NECTIN2: variants seen among roughly 807,000 people sequenced by gnomAD.
NECTIN2 encodes nectin-2.
NECTIN2 carries 23 observed loss-of-function variants against 56.9 expected under a neutral mutation model. The ratio of observed to expected loss-of-function variants is 0.40; its 90% CI spans 0.29 to 0.57. The LOEUF is 0.57. Among genes scored for constraint, NECTIN2 ranks in the 20% least tolerant of loss-of-function variants. NECTIN2 has a pLI of 0.38. For synonymous variants in NECTIN2, 302 were observed against 313.8 expected (o/e 0.96, Z 0.40); for missense variants, 587 against 718.3 (o/e 0.82, Z 2.09).
intron 1 of NECTIN2, among the ~76,000 whole-genome samples, chr19:44,862,797 G>A (rs529905225): frequency 2.6e-5 from 4 of 151,274 alleles, no homozygotes; most frequent in South Asian, 2.1e-4. Flanking sequence ...GGTGGATCAC[G>A]AGGTCAGGCG....
intron 8 of NECTIN2, among the ~76,000 whole-genome samples, chr19:44,887,651 C>CA (rs949957723): frequency 2.6e-4 from 39 of 149,776 alleles, no homozygotes; most frequent in East Asian, 5.9e-4. Flanking sequence ...GTCTCAACAA[C>CA]AAAAAAAAAC....
chr19:44,870,554 G>A (rs920683371), intron 2 of NECTIN2, among the ~76,000 whole-genome samples: 1 of 151,156 alleles, frequency 6.6e-6, no homozygotes, highest in African/African-American at 2.5e-5. Context: ...AGAGAATGAG[G>A]TGGAAAGGGT....
chr19:44,856,763 C>T (rs1206980785), intron 1 of NECTIN2, among the ~76,000 whole-genome samples: 1 of 152,184 alleles, frequency 6.6e-6, no homozygotes, highest in Middle Eastern at 3.2e-3. Flanking sequence ...CCTTCCTCAG[C>T]CCCACCCAGC....
intron 5 of NECTIN2, among the ~76,000 whole-genome samples, chr19:44,877,392 C>G (rs545966749): frequency 8.6e-4 from 131 of 152,304 alleles, no homozygotes; most frequent in African/African-American, 3.1e-3. Flanking sequence ...CTGCCCTCCT[C>G]AGCACTTCAT....
intron 1 of NECTIN2, among the ~76,000 whole-genome samples, chr19:44,854,922 G>A (rs1425509189): frequency 2.0e-5 from 3 of 151,634 alleles, no homozygotes; most frequent in Admixed American, 1.3e-4. Flanking sequence ...TCAGGAGATC[G>A]AGACCATCCT....
intron 3 of NECTIN2, among the ~76,000 whole-genome samples, 195 bp downstream of exon 3, chr19:44,872,344 T>C (rs1325237489): frequency 6.6e-6 from 1 of 152,174 alleles, no homozygotes; most frequent in Non-Finnish European, 1.5e-5. Context: ...TACATTGGCT[T>C]TACTGGGTTC....
rs1283703037 is a variant in NECTIN2, at chr19:44,888,485, A to G, written c.*106A>G. On this transcript the variant is annotated 3_prime_UTR_variant, in exon 9 of 9. Coordinates refer to ENST00000252483, the MANE Select transcript of NECTIN2 (RefSeq NM_001042724.2). ...TGGCCAGGCCACTGTCAGTTAACACATATGCATTCCATTTGTGATGTCTAC... is the reference window on the plus strand; with the variant it reads ...TGGCCAGGCCACTGTCAGTTAACACGTATGCATTCCATTTGTGATGTCTAC... 1 of 1,231,950 alleles carries G rather than the reference A, an allele frequency of 8.1e-7. No individual in the cohort carries two copies. Among genetic ancestry groups the G allele is most frequent in the Non-Finnish European group, 1.1e-6 (1 of 885,428 alleles). 76.3% of individuals were successfully genotyped at this position (1,231,950 alleles called of 1,614,324 possible). A position where few individuals can be genotyped will look rare whatever the true frequency, so the allele number is the denominator to read the frequency against.
At chr19:44,882,458 G>T (rs1969318320) in intron 6 of NECTIN2, 94 bp downstream of exon 6, 2 of 1,198,954 alleles carry the variant, frequency 1.7e-6, no homozygotes, top group East Asian at 6.3e-5. Flanking sequence ...TCTCCATAAT[G>T]GCTGTGTGAA....
At chr19:44,868,466 C>CTTTTTTTTT (rs71338735) in intron 2 of NECTIN2, among the ~76,000 whole-genome samples, 9 of 133,512 alleles carry the variant, frequency 6.7e-5, no homozygotes, top group Non-Finnish European at 9.5e-5. Flanking sequence ...TTTCCTTTTT[C>CTTTTTTTTT]TTTTTTTTTT....
chr19:44,868,762 A>T (rs538166419), intron 2 of NECTIN2, among the ~76,000 whole-genome samples: 2 of 151,798 alleles, frequency 1.3e-5, no homozygotes, highest in African/African-American at 4.8e-5. Flanking sequence ...AAATACAAGA[A>T]ATTAGCCAGG....
At chr19:44,847,334 C>A (rs749951182) in intron 1 of NECTIN2, among the ~76,000 whole-genome samples, 2 of 152,112 alleles carry the variant, frequency 1.3e-5, no homozygotes, top group Non-Finnish European at 2.9e-5. Flanking sequence ...TAACTGGGAT[C>A]TAGGTAAAAC....
chr19:44,855,096 T>C (rs10410835), intron 1 of NECTIN2, among the ~76,000 whole-genome samples: 68,868 of 130,334 alleles, frequency 0.53, 16,947 homozygotes, highest in Middle Eastern at 0.65. Flanking sequence ...CCAGCCTGGG[T>C]GACAGAGCAA....
chr19:44,868,290 G>A (rs1599918465), intron 2 of NECTIN2, among the ~76,000 whole-genome samples: 1 of 149,030 alleles, frequency 6.7e-6, no homozygotes, highest in Non-Finnish European at 1.5e-5. Context: ...TTGGGCCTGG[G>A]AAGCAGAGAT....
intron 6 of NECTIN2, among the ~76,000 whole-genome samples, chr19:44,883,210 G>GTAA (rs142042446): frequency 0.1 from 15,795 of 152,052 alleles, 1,012 homozygotes; most frequent in Non-Finnish European, 0.14. Flanking sequence ...AAGATAAAGA[G>GTAA]TAACACTGGT....
intron 1 of NECTIN2, among the ~76,000 whole-genome samples, chr19:44,854,391 T>C (rs562060804): frequency 6.6e-6 from 1 of 151,976 alleles, no homozygotes; most frequent in South Asian, 2.1e-4. Flanking sequence ...CTAAAGTCGG[T>C]TTTTTTGTTT....
chr19:44,862,818 G>C (rs1195308118), intron 1 of NECTIN2, among the ~76,000 whole-genome samples: 1 of 151,466 alleles, frequency 6.6e-6, no homozygotes, highest in African/African-American at 2.4e-5. Flanking sequence ...TTCGAGGCCA[G>C]CCTGGCCAAC....
chr19:44,878,498 G>A, intron 5 of NECTIN2: 3 of 1,613,896 alleles, frequency 1.9e-6, no homozygotes, highest in Non-Finnish European at 2.5e-6. Context: ...GGATGAGGAG[G>A]AGGAGGAGGA....
In NECTIN2 at chr19:44,865,718, C is replaced by T; in HGVS notation, c.478+58C>T. 1 of 1,440,778 alleles carries T rather than the reference C, an allele frequency of 6.9e-7. No homozygotes were observed. Among genetic ancestry groups the T allele is most frequent in the Non-Finnish European group, 9.1e-7 (1 of 1,094,522 alleles). The allele number at this position is 1,440,778 out of a possible 1,614,324, so 89.2% of individuals were successfully genotyped here. Reference sequence around the variant, plus strand: ...GGGAGGGCCGCGGTGTGGGAGCATCCCCTTGCGGGTCAGTTTCTCTCTTGG... The same window carrying T: ...GGGAGGGCCGCGGTGTGGGAGCATCTCCTTGCGGGTCAGTTTCTCTCTTGG... On this transcript the variant is annotated intron_variant, in intron 2 of 8. Coordinates refer to ENST00000252483, the MANE Select transcript of NECTIN2 (RefSeq NM_001042724.2). This position sits in a 1 kb window ranked among gnomAD's most constrained non-coding sequence, Gnocchi z 5.2.
chr19:44,856,678 C>T (rs537843828), intron 1 of NECTIN2, among the ~76,000 whole-genome samples: 10 of 152,232 alleles, frequency 6.6e-5, no homozygotes, highest in African/African-American at 9.6e-5. Flanking sequence ...GGGGGCCAGG[C>T]GGGTGATAAG....
Sources: allele counts gnomAD v4.1 joint callset (sites outside exome capture counted in the v4.1 genomes callset), GRCh38; gene constraint gnomAD v4.1.1; non-coding constraint Gnocchi (gnomAD v3.1); transcripts MANE v1.5; gene names NCBI Gene and HGNC (gene_info 2026-07-23, HGNC 2026-07-21).